Variants in SGCD observed in about 807,000 individuals in gnomAD.
The protein encoded by SGCD is delta-sarcoglycan.
A neutral mutation model predicts 36.6 loss-of-function variants in SGCD; 18 were observed. The observed-to-expected ratio is 0.49, with a 90% confidence interval of 0.34 to 0.73. SGCD has a LOEUF of 0.73. Ranked by LOEUF, SGCD falls within the 30% of genes least tolerant of loss-of-function variation. The probability of loss-of-function intolerance (pLI) is 0.01; values close to 1 mark genes in which losing one functional copy is unlikely to be tolerated. For synonymous variants in SGCD, 133 were observed against 130.6 expected (o/e 1.02, Z -0.12); for missense variants, 387 against 346.7 (o/e 1.12, Z -0.92).
At chr5:156,361,715 G>A (rs376159793) in intron 3 of SGCD, among the ~76,000 whole-genome samples, 3 of 152,098 alleles carry the variant, frequency 2.0e-5, no homozygotes, top group Admixed American at 6.5e-5. Flanking sequence ...TAAGAAATAC[G>A]GTGACTCAAA....
At chr5:156,566,043 G>A (rs1453874524) in intron 4 of SGCD, among the ~76,000 whole-genome samples, 1 of 152,070 alleles carries the variant, frequency 6.6e-6, no homozygotes. Flanking sequence ...CAAAGGATAT[G>A]AACAGACACT....
chr5:156,606,684 A>G (rs1273501814), intron 6 of SGCD, among the ~76,000 whole-genome samples: 1 of 152,132 alleles, frequency 6.6e-6, no homozygotes, highest in South Asian at 2.1e-4. Flanking sequence ...CATGAACATG[A>G]AATGTTCTTC....
chr5:155,996,373 T>G (rs990147205), intron 1 of SGCD, among the ~76,000 whole-genome samples: 28 of 152,136 alleles, frequency 1.8e-4, no homozygotes, highest in African/African-American at 6.8e-4. Context: ...CAGGATTCAG[T>G]GACAAGAAAC....
At chr5:156,482,816 T>TTTTTTTG (rs1755493197) in intron 3 of SGCD, among the ~76,000 whole-genome samples, 1 of 140,828 alleles carries the variant, frequency 7.1e-6, no homozygotes, top group Non-Finnish European at 1.5e-5. Flanking sequence ...TTGGTCAGTT[T>TTTTTTTG]TTTTTTTTTT....
At chr5:155,979,968 A>T (rs148425005) in intron 1 of SGCD, among the ~76,000 whole-genome samples, 1 of 152,118 alleles carries the variant, frequency 6.6e-6, no homozygotes, top group African/African-American at 2.4e-5. Flanking sequence ...GATAACACTC[A>T]TGAGGGTTCC....
chr5:155,937,017 G>C (rs992960671), intron 1 of SGCD, among the ~76,000 whole-genome samples: 1 of 152,192 alleles, frequency 6.6e-6, no homozygotes. Context: ...AGTGGGGGGA[G>C]AGACCAGACA....
At chr5:155,911,909 C>A (rs1381913112) in intron 1 of SGCD, among the ~76,000 whole-genome samples, 1 of 152,092 alleles carries the variant, frequency 6.6e-6, no homozygotes, top group Non-Finnish European at 1.5e-5. Context: ...CTGCTGCCAC[C>A]TGCAGCCCTC....
At chr5:156,416,530 A>T (rs777436784) in intron 3 of SGCD, among the ~76,000 whole-genome samples, 1 of 152,214 alleles carries the variant, frequency 6.6e-6, no homozygotes, top group African/African-American at 2.4e-5. Context: ...AAAAAATTTT[A>T]AATGAAAAAA....
rs60893052 is a variant in SGCD at position 156,269,469 on chromosome 5, C to CAAA, written c.-43-60026_-43-60024dup. On this transcript the variant is annotated intron_variant, in intron 3 of 9. Transcript: ENST00000517913. ...TAGGGGACAGAGTGAGACTCCGTCT[C>CAAA]AAAAAAAAAAAAAAAAAAAAAAAAA... 1.9e-3 allele frequency among the ~76,000 whole-genome samples: 57 copies of CAAA among 30,470 alleles called. 9 individuals are homozygous for CAAA. The highest frequency in any genetic ancestry group is 3.4e-3 in the African/African-American group (29 of 8,604). 20.0% of individuals were successfully genotyped at this position (30,470 alleles called of 152,430 possible).
At chr5:155,897,902 AG>A (rs1486890646) in intron 1 of SGCD, among the ~76,000 whole-genome samples, 1 of 152,172 alleles carries the variant, frequency 6.6e-6, no homozygotes, top group African/African-American at 2.4e-5. Flanking sequence ...CTACACTGTA[AG>A]TTTCATGAGT....
At chr5:155,905,067 G>A (rs1756472390) in intron 1 of SGCD, among the ~76,000 whole-genome samples, 1 of 152,096 alleles carries the variant, frequency 6.6e-6, no homozygotes, top group Non-Finnish European at 1.5e-5. Flanking sequence ...CTTTCTTGAA[G>A]GGTTGTTGCC....
the SGCD span, among the ~76,000 whole-genome samples, chr5:155,767,843 G>T: frequency 6.6e-6 from 1 of 151,952 alleles, no homozygotes; most frequent in Non-Finnish European, 1.5e-5. Flanking sequence ...CTTCCCAATG[G>T]GTGCTGTTTC....
chr5:155,962,695 G>A lies in SGCD; in HGVS notation c.-282+92271G>A, dbSNP rs75016038. Among the ~76,000 whole-genome samples, 38 of 152,242 alleles carry A rather than the reference G, an allele frequency of 2.5e-4. 1 individual carries two copies. In the East Asian group the frequency reaches 6.0e-3, roughly 24 times the overall value. On this transcript the variant is annotated intron_variant, in intron 1 of 9. Coordinates refer to the SGCD transcript ENST00000517913. The stretch of plus-strand genomic sequence containing the variant: ...TCACCACCTGGGAACATCTTTGAGA[G>A]CCGGTAGAATAGGTGCCTGATTGAG...
intron 3 of SGCD, among the ~76,000 whole-genome samples, chr5:156,385,932 C>T (rs993863893): frequency 5.3e-5 from 8 of 152,108 alleles, no homozygotes; most frequent in Non-Finnish European, 1.0e-4. Context: ...TTGAATGAGG[C>T]CAGGTGGAGA....
At chr5:156,343,190 G>T (rs1055130819) in intron 2 of SGCD, among the ~76,000 whole-genome samples, 2 of 152,214 alleles carry the variant, frequency 1.3e-5, no homozygotes, top group Admixed American at 6.5e-5. Flanking sequence ...CTGCATTTTG[G>T]TTTTCATTAT....
At chr5:156,500,366 T>A (rs1363537201) in intron 3 of SGCD, among the ~76,000 whole-genome samples, 3 of 152,088 alleles carry the variant, frequency 2.0e-5, no homozygotes, top group African/African-American at 7.2e-5. Flanking sequence ...CCACCCCTCA[T>A]GAAGATTACA....
At chr5:156,546,948 A>G (rs752610274) in intron 4 of SGCD, among the ~76,000 whole-genome samples, 2 of 152,236 alleles carry the variant, frequency 1.3e-5, no homozygotes, top group Non-Finnish European at 2.9e-5. Flanking sequence ...GTCAGGAAGT[A>G]ATACACTGGA....
chr5:156,440,621 C>G (rs1283101424), intron 3 of SGCD, among the ~76,000 whole-genome samples: 2 of 152,134 alleles, frequency 1.3e-5, no homozygotes, highest in Non-Finnish European at 2.9e-5. Flanking sequence ...CTGGCCAACA[C>G]TTATTATTCA....
At chr5:155,856,887 T>C in the SGCD span, among the ~76,000 whole-genome samples, 2 of 152,140 alleles carry the variant, frequency 1.3e-5, no homozygotes, top group Non-Finnish European at 2.9e-5. Flanking sequence ...CTCTCATACA[T>C]TGTTGGTGAG....
Sources: allele counts gnomAD v4.1 joint callset (sites outside exome capture counted in the v4.1 genomes callset), GRCh38; gene constraint gnomAD v4.1.1; transcripts MANE v1.5; gene names NCBI Gene and HGNC (gene_info 2026-07-23, HGNC 2026-07-21).